Variants in NCOA1 observed in about 807,000 individuals in gnomAD.
The protein encoded by NCOA1 is Hin-2 protein.
Under a neutral mutation model 150.9 loss-of-function variants are expected in NCOA1, and 35 were observed. The observed-to-expected ratio is 0.23, with a 90% CI of 0.18 to 0.31. The LOEUF (loss-of-function observed/expected upper bound fraction) is 0.31. Ranked by LOEUF, NCOA1 falls within the 10% of genes least tolerant of loss-of-function variation. NCOA1 has a pLI of 1.00. For synonymous variants in NCOA1, 590 were observed against 630.0 expected, an observed-to-expected ratio of 0.94 and a Z score of 0.95; for missense variants, 1,491 against 1,749.3, an observed-to-expected ratio of 0.85 and a Z score of 2.63.
chr2:24,672,449 C>T (rs951894619), intron 6 of NCOA1, among the ~76,000 whole-genome samples: 9 of 152,180 alleles, frequency 5.9e-5, no homozygotes, highest in Non-Finnish European at 1.3e-4. Flanking sequence ...GGCTGGAGTG[C>T]AGTGGCACAA....
intron 3 of NCOA1, among the ~76,000 whole-genome samples, chr2:24,626,087 T>G (rs571551313): frequency 5.9e-5 from 9 of 152,328 alleles, no homozygotes; most frequent in Non-Finnish European, 1.3e-4. Flanking sequence ...TTCTATCAAA[T>G]GGTGAGAGAG....
chr2:24,641,405 A>G (rs1670211794), intron 3 of NCOA1, among the ~76,000 whole-genome samples: 1 of 152,004 alleles, frequency 6.6e-6, no homozygotes. Context: ...AATAATAAAA[A>G]ATACATAGTC....
At chr2:24,736,374 GA>G (rs972814291) in intron 17 of NCOA1, among the ~76,000 whole-genome samples, 1 of 152,046 alleles carries the variant, frequency 6.6e-6, no homozygotes, top group Admixed American at 6.6e-5. Flanking sequence ...AAGTGACAGT[GA>G]GACACATAAA....
intron 8 of NCOA1, among the ~76,000 whole-genome samples, chr2:24,684,461 A>G (rs1205626486): frequency 1.3e-5 from 2 of 152,130 alleles, no homozygotes; most frequent in East Asian, 3.9e-4. Flanking sequence ...ATCTATGACT[A>G]TTTGGGTTCC....
chr2:24,696,542 A>G (rs562866917), intron 10 of NCOA1, among the ~76,000 whole-genome samples: 51 of 152,362 alleles, frequency 3.3e-4, no homozygotes, highest in African/African-American at 1.2e-3. Flanking sequence ...TGCTGGTGGA[A>G]GCATAGAGTG....
At chr2:24,721,818 T>C (rs1674370046) in intron 14 of NCOA1, among the ~76,000 whole-genome samples, 1 of 152,234 alleles carries the variant, frequency 6.6e-6, no homozygotes, top group Non-Finnish European at 1.5e-5. Flanking sequence ...TTGGAAAATC[T>C]CTTTCTCCTG....
intron 3 of NCOA1, among the ~76,000 whole-genome samples, chr2:24,632,039 T>C (rs764396860): frequency 6.7e-5 from 10 of 149,866 alleles, no homozygotes; most frequent in African/African-American, 1.2e-4. Flanking sequence ...TTTGGTTCCA[T>C]GTAAAAGTGG....
chr2:24,680,939 A>G (rs930679305), intron 7 of NCOA1, among the ~76,000 whole-genome samples: 5 of 152,178 alleles, frequency 3.3e-5, no homozygotes, highest in Non-Finnish European at 5.9e-5. Flanking sequence ...TGTGTTTACT[A>G]AATTACGATA....
intron 4 of NCOA1, among the ~76,000 whole-genome samples, chr2:24,649,463 C>CAGTATACCTG (rs1270357157): frequency 3.3e-5 from 5 of 152,180 alleles, no homozygotes; most frequent in African/African-American, 1.2e-4. Context: ...AAGACATGTG[C>CAGTATACCTG]AGTATACCTG....
At position 24,603,583 on chromosome 2, in the gene NCOA1, A is replaced by G. The variant is rs1292330537; in HGVS notation, c.-175+19023A>G. ...ACAGTATCTTCACCAGAAGTAGGTA[A>G]CATCTTTAAAAACCACTTTCTTTGC... is the stretch of plus-strand genomic sequence containing the variant. On this transcript the variant is annotated intron_variant, in intron 3 of 22. Coordinates refer to ENST00000348332, the MANE Select transcript of NCOA1 (RefSeq NM_003743.5). Among the ~76,000 whole-genome samples, 3 of 152,246 alleles carry G rather than the reference A, an allele frequency of 2.0e-5. No homozygotes were observed. The East Asian group carries it at 5.8e-4, about 29-fold the overall frequency.
At chr2:24,703,726 C>T (rs1381764067) in intron 11 of NCOA1, among the ~76,000 whole-genome samples, 2 of 152,074 alleles carry the variant, frequency 1.3e-5, no homozygotes, top group East Asian at 3.8e-4. Flanking sequence ...GTACTGTATA[C>T]ACAGGACAAT....
chr2:24,730,725 G>C (rs1662956483), intron 17 of NCOA1, among the ~76,000 whole-genome samples: 5 of 152,030 alleles, frequency 3.3e-5, no homozygotes, highest in Admixed American at 3.3e-4. Context: ...AGAGCAAACA[G>C]TTAAAAATGT....
At chr2:24,571,214 C>G (rs1024227609) in intron 2 of NCOA1, among the ~76,000 whole-genome samples, 4 of 150,478 alleles carry the variant, frequency 2.7e-5, no homozygotes, top group African/African-American at 9.8e-5. Flanking sequence ...ATTTGGGGGA[C>G]AGTGCGTGAG....
At chr2:24,516,836 T>C (rs1450615619) in intron 1 of NCOA1, among the ~76,000 whole-genome samples, 1 of 146,890 alleles carries the variant, frequency 6.8e-6, no homozygotes, top group Non-Finnish European at 1.5e-5. Context: ...TTTTTTTTTT[T>C]TTTTCATTTT....
intron 3 of NCOA1, among the ~76,000 whole-genome samples, chr2:24,609,266 C>G (rs1170444892): frequency 6.6e-6 from 1 of 152,082 alleles, no homozygotes; most frequent in African/African-American, 2.4e-5. Context: ...TCACTGTGTC[C>G]TAGGTTAGTT....
intron 3 of NCOA1, among the ~76,000 whole-genome samples, chr2:24,590,287 T>C (rs1667601849): frequency 6.6e-6 from 1 of 152,246 alleles, no homozygotes; most frequent in Admixed American, 6.5e-5. Flanking sequence ...TTCATAATCA[T>C]GAGAGCATAT....
intron 2 of NCOA1, among the ~76,000 whole-genome samples, chr2:24,569,981 A>G (rs1424081729): frequency 6.6e-6 from 1 of 151,746 alleles, no homozygotes; most frequent in African/African-American, 2.4e-5. Context: ...GCAAGCAGAA[A>G]GTAGATTAGG....
At chr2:24,641,187 A>G (rs1166341737) in intron 3 of NCOA1, among the ~76,000 whole-genome samples, 1 of 151,712 alleles carries the variant, frequency 6.6e-6, no homozygotes, top group Non-Finnish European at 1.5e-5. Flanking sequence ...TGTAGTTAAC[A>G]TTGTAATACT....
chr2:24,539,890 A>G (rs1281028196), intron 1 of NCOA1, among the ~76,000 whole-genome samples: 2 of 152,202 alleles, frequency 1.3e-5, no homozygotes, highest in Non-Finnish European at 2.9e-5. Flanking sequence ...TTCAACATCT[A>G]TGTATTCTAA....
Sources: gnomAD v4.1 joint callset for allele counts (sites outside exome capture counted in the v4.1 genomes callset) on GRCh38, gnomAD v4.1.1 for gene constraint, MANE v1.5 for transcripts, NCBI Gene and HGNC (gene_info 2026-07-23, HGNC 2026-07-21) for gene names.